The following SPMIP2 variants were observed in gnomAD, a reference collection of about 807,000 sequenced individuals.
SPMIP2 encodes sperm microtubule inner protein 2.
chr4:159,034,921 C>CA, the SPMIP2 span: 2 of 779,228 alleles, frequency 2.6e-6, no homozygotes, highest in African/African-American at 1.8e-5. Context: ...CAAACAAAAA[C>CA]AAAAAACATA....
At chr4:159,070,138 T>G in the SPMIP2 span, among the ~76,000 whole-genome samples, 120 of 152,158 alleles carry the variant, frequency 7.9e-4, no homozygotes, top group African/African-American at 2.8e-3. Flanking sequence ...GCCCCTAACT[T>G]GAATTACCAT....
chr4:158,923,883 G>A, the SPMIP2 span, among the ~76,000 whole-genome samples: 1 of 151,798 alleles, frequency 6.6e-6, no homozygotes, highest in African/African-American at 2.4e-5. Context: ...GTTATAGGCT[G>A]GTTTTCTCCC....
chr4:159,026,736 T>C, the SPMIP2 span, among the ~76,000 whole-genome samples: 29 of 151,774 alleles, frequency 1.9e-4, no homozygotes, highest in African/African-American at 6.8e-4. Context: ...AAATAAAAAA[T>C]AAAAAAATTA....
the SPMIP2 span, among the ~76,000 whole-genome samples, chr4:158,954,429 T>A: frequency 6.6e-6 from 1 of 152,218 alleles, no homozygotes; most frequent in Non-Finnish European, 1.5e-5. Flanking sequence ...AACATCTTTT[T>A]CTTCCCAGCC....
the SPMIP2 span, among the ~76,000 whole-genome samples, chr4:158,943,891 C>T: frequency 1.8e-5 from 2 of 108,240 alleles, no homozygotes; most frequent in South Asian, 6.5e-4. Flanking sequence ...CAGTCTCGCT[C>T]TGTCGCCAGG....
chr4:158,976,850 C>T, the SPMIP2 span, among the ~76,000 whole-genome samples: 5 of 151,852 alleles, frequency 3.3e-5, no homozygotes, highest in South Asian at 2.1e-4. Context: ...TTAGTAGAGA[C>T]GGGGTTTCAC....
the SPMIP2 span, among the ~76,000 whole-genome samples, chr4:158,911,631 C>G: frequency 6.6e-6 from 1 of 152,192 alleles, no homozygotes; most frequent in Non-Finnish European, 1.5e-5. Context: ...CACCTTGCTA[C>G]TCAAGGTCCT....
chr4:159,061,889 G>T, the SPMIP2 span, among the ~76,000 whole-genome samples: 5 of 152,168 alleles, frequency 3.3e-5, no homozygotes, highest in South Asian at 1.0e-3. Context: ...TGGGAAAACT[G>T]CGAATGTCTT....
the SPMIP2 span, among the ~76,000 whole-genome samples, chr4:159,014,884 C>T: frequency 3.3e-5 from 5 of 152,126 alleles, no homozygotes; most frequent in South Asian, 2.1e-4. Context: ...GGGTCACATT[C>T]GAAGCCATTC....
At chr4:158,972,914 G>A in the SPMIP2 span, among the ~76,000 whole-genome samples, 1 of 152,246 alleles carries the variant, frequency 6.6e-6, no homozygotes, top group Non-Finnish European at 1.5e-5. Context: ...GGCTCCAGGA[G>A]TGGAGCACAT....
chr4:159,066,894 T>C, the SPMIP2 span, among the ~76,000 whole-genome samples: 3 of 152,194 alleles, frequency 2.0e-5, no homozygotes, highest in Non-Finnish European at 2.9e-5. Context: ...GGGAAGGTGC[T>C]GTAGGCAATG....
the SPMIP2 span, among the ~76,000 whole-genome samples, chr4:158,915,658 G>A: frequency 6.6e-6 from 1 of 152,184 alleles, no homozygotes; most frequent in Non-Finnish European, 1.5e-5. Flanking sequence ...TGAAGTTGAA[G>A]GTGATATGCT....
At chr4:158,915,083 G>A in the SPMIP2 span, 17 of 1,142,142 alleles carry the variant, frequency 1.5e-5, no homozygotes, top group Non-Finnish European at 2.0e-5. Flanking sequence ...CTGATTATTA[G>A]TATTACTATG....
the SPMIP2 span, among the ~76,000 whole-genome samples, chr4:159,047,836 T>A: frequency 6.6e-6 from 1 of 152,164 alleles, no homozygotes; most frequent in Non-Finnish European, 1.5e-5. Context: ...CACTACCTGC[T>A]CCTCAGTGGC....
At chr4:159,076,939 G>A in the SPMIP2 span, among the ~76,000 whole-genome samples, 9 of 151,730 alleles carry the variant, frequency 5.9e-5, no homozygotes, top group South Asian at 2.1e-4. Flanking sequence ...AGGTTAGACC[G>A]ATTCTCCTGC....
chr4:159,007,496 C>T, the SPMIP2 span: 1 of 764,704 alleles, frequency 1.3e-6, no homozygotes, highest in Non-Finnish European at 2.3e-6. Context: ...AGGGATCCAG[C>T]ACCTGATCCT....
the SPMIP2 span, among the ~76,000 whole-genome samples, chr4:158,968,837 G>C: frequency 0.98 from 149,048 of 152,334 alleles, 72,985 homozygotes; most frequent in East Asian, 1. Flanking sequence ...AGAAATTCAA[G>C]ATTTCATCAG....
chr4:158,994,111 T>C, the SPMIP2 span, among the ~76,000 whole-genome samples: 1 of 152,234 alleles, frequency 6.6e-6, no homozygotes, highest in Admixed American at 6.5e-5. Context: ...ACTTCTTCTT[T>C]TCTATATCAA....
At chr4:158,938,916 G>C in the SPMIP2 span, among the ~76,000 whole-genome samples, 2 of 152,174 alleles carry the variant, frequency 1.3e-5, no homozygotes. Context: ...AGATCATCTA[G>C]GGTCATCTAT....
Sources: allele counts gnomAD v4.1 joint callset (sites outside exome capture counted in the v4.1 genomes callset), GRCh38; gene constraint gnomAD v4.1.1; transcripts MANE v1.5; gene names NCBI Gene and HGNC (gene_info 2026-07-23, HGNC 2026-07-21).